The following PHAX variants were observed in gnomAD, a reference collection of about 807,000 sequenced individuals.
The protein encoded by PHAX is phosphorylated adapter RNA export protein.
Under a neutral mutation model 41.6 loss-of-function variants are expected in PHAX, and 31 were observed. The ratio of observed to expected loss-of-function variants is 0.75; its 90% CI spans 0.56 to 1.01. The LOEUF is 1.01. Ranked by LOEUF, PHAX falls within the 50% of genes least tolerant of loss-of-function variation. The probability of loss-of-function intolerance (pLI) is 0.00; values close to 1 mark genes in which losing one functional copy is unlikely to be tolerated. For missense variants in PHAX, 453 were observed against 472.9 expected (o/e 0.96, Z 0.39); for synonymous variants, 175 against 164.9 (o/e 1.06, Z -0.47).
chr5:126,618,698 G>A (rs1752224690), intron 4 of PHAX, among the ~76,000 whole-genome samples: 1 of 134,214 alleles, frequency 7.5e-6, no homozygotes, highest in African/African-American at 2.8e-5. Flanking sequence ...ATGGAGTCTT[G>A]CTCTGTCGCC....
At chr5:126,623,940 A>G (rs892407078) in intron 4 of PHAX, among the ~76,000 whole-genome samples, 1 of 151,700 alleles carries the variant, frequency 6.6e-6, no homozygotes, top group African/African-American at 2.4e-5. Context: ...GTACAGGTTG[A>G]CAATCCCTAA....
chr5:126,611,790 C>T (rs76257927), intron 3 of PHAX, among the ~76,000 whole-genome samples: 9 of 120,922 alleles, frequency 7.4e-5, no homozygotes, highest in Admixed American at 2.7e-4. Context: ...GACCCTGTCT[C>T]GAAAAAAAAA....
At chr5:126,601,113 C>T (rs544990905) in intron 1 of PHAX, 55 bp downstream of exon 1, 1 of 1,250,922 alleles carries the variant, frequency 8.0e-7, no homozygotes, top group Admixed American at 2.0e-5. Flanking sequence ...GCCTGGGCCC[C>T]GGGGAGCGCG....
In PHAX at chr5:126,608,236, T is replaced by C. The variant is rs1055351073; in HGVS notation, c.711-128T>C. On this transcript the variant is annotated intron_variant, in intron 2 of 4. Coordinates refer to ENST00000297540, the MANE Select transcript of PHAX (RefSeq NM_032177.4). ...TATTTACATGTCAGTGATTCCAAGA[T>C]TAAATATTGAAGATTTAGAAAACCA... The C allele has an allele frequency of 1.5e-5, 16 of 1,040,522 alleles. No individual in the cohort carries two copies. The Admixed American group carries it at 3.2e-4, about 21-fold the overall frequency. The allele number at this position is 1,040,522 out of a possible 1,614,324, so 64.5% of individuals were successfully genotyped here.
chr5:126,604,197 TTACAAATAAG>T lies in PHAX; in HGVS notation c.710+18_710+27del. 6.6e-7 allele frequency: 1 copy of T among 1,517,116 alleles called. No individual in the cohort carries two copies. The highest frequency in any genetic ancestry group is 8.8e-7 in the Non-Finnish European group (1 of 1,134,698). 94.0% of individuals were successfully genotyped at this position (1,517,116 alleles called of 1,614,324 possible). A position where few individuals can be genotyped will look rare whatever the true frequency, so the allele number is the denominator to read the frequency against. On this transcript the variant is annotated intron_variant, in intron 2 of 4. Transcript: ENST00000297540. ...AATTTCATTCAGGTGAGCATTTGAA[TTACAAATAAG>T]TACTTGACCAGATGGCTTCTATTTA...
intron 4 of PHAX, among the ~76,000 whole-genome samples, chr5:126,622,049 G>C (rs890163285): frequency 6.6e-6 from 1 of 151,838 alleles, no homozygotes; most frequent in African/African-American, 2.4e-5. Context: ...CTCATCCTGG[G>C]TTCAAGCAAT....
chr5:126,603,010 A>G (rs75093825), intron 1 of PHAX, among the ~76,000 whole-genome samples: 1 of 88,632 alleles, frequency 1.1e-5, no homozygotes, highest in African/African-American at 4.9e-5. Flanking sequence ...CATCTCAAGA[A>G]AAAAAAAAAA....
At chr5:126,601,934 T>C (rs1295862116) in intron 1 of PHAX, among the ~76,000 whole-genome samples, 3 of 152,182 alleles carry the variant, frequency 2.0e-5, no homozygotes, top group Non-Finnish European at 4.4e-5. Flanking sequence ...CCAAAAGTGC[T>C]GAGATTACAG....
rs545454458 is a variant in PHAX, at chr5:126,605,607, G to A, written c.710+1424G>A. Among the ~76,000 whole-genome samples, 193 of 151,402 alleles carry A rather than the reference G, an allele frequency of 1.3e-3. 1 individual carries two copies. The highest frequency in any genetic ancestry group is 2.0e-3 in the Non-Finnish European group (137 of 67,876). Reference sequence around the variant, plus strand: ...GAGATAGGGTTTCATTATGTTGGCCGGACTGATCTCGATCTCCTGGCCTCA... The same window carrying A: ...GAGATAGGGTTTCATTATGTTGGCCAGACTGATCTCGATCTCCTGGCCTCA... On this transcript the variant is annotated intron_variant, in intron 2 of 4. Coordinates refer to ENST00000297540, the MANE Select transcript of PHAX (RefSeq NM_032177.4).
intron 1 of PHAX, among the ~76,000 whole-genome samples, chr5:126,601,712 G>C (rs1751906776): frequency 6.6e-6 from 1 of 152,176 alleles, no homozygotes; most frequent in South Asian, 2.1e-4. Flanking sequence ...TGTTGCCCAG[G>C]CTGGAGTGCA....
chr5:126,622,056 C>A (rs1478022960), intron 4 of PHAX, among the ~76,000 whole-genome samples: 1 of 152,224 alleles, frequency 6.6e-6, no homozygotes, highest in African/African-American at 2.4e-5. Flanking sequence ...TGGGTTCAAG[C>A]AATTCTCCTG....
chr5:126,617,442 G>T, intron 4 of PHAX, 109 bp downstream of exon 4: 1 of 589,644 alleles, frequency 1.7e-6, no homozygotes, highest in Non-Finnish European at 3.0e-6. Context: ...TCAGTGGACT[G>T]ATTTTGTTAT....
intron 4 of PHAX, among the ~76,000 whole-genome samples, chr5:126,623,035 A>G (rs4510582): frequency 0.27 from 40,902 of 151,768 alleles, 7,009 homozygotes; most frequent in African/African-American, 0.47. Flanking sequence ...CCAAGGCATG[A>G]GAATTGCTTG....
rs1349770904 is a variant in PHAX, at chr5:126,604,000, A to G, written c.527A>G (p.Asp176Gly). Residue 176 changes from aspartate (D) to glycine (G), a missense_variant, in exon 2 of 5, where the codon GAT (aspartate) becomes GGT (glycine). Physicochemically the swap from Asp to Gly is moderately conservative, Grantham distance 94 (BLOSUM62 -1). Coordinates refer to ENST00000297540, the MANE Select transcript of PHAX (RefSeq NM_032177.4). Reference sequence around the variant, plus strand: ...ACAAAAGATCTAGACAAGGAACTAGATGAATATATGCATGGTGGCAAAAAA... The same window carrying G: ...ACAAAAGATCTAGACAAGGAACTAGGTGAATATATGCATGGTGGCAAAAAA... ...EHTKDLDKEL[D>G]EYMHGGKKMG... The G allele has an allele frequency of 3.1e-6, 5 of 1,614,130 alleles. No individual in the cohort carries two copies. Among genetic ancestry groups the G allele is most frequent in the African/African-American group, 1.3e-5 (1 of 75,048 alleles).
chr5:126,612,151 C>T (rs1306607370), intron 3 of PHAX, among the ~76,000 whole-genome samples: 1 of 152,032 alleles, frequency 6.6e-6, no homozygotes, highest in African/African-American at 2.4e-5. Flanking sequence ...TGCAAAAAAT[C>T]CATAATGGAC....
chr5:126,601,649 G>C (rs1751905929), intron 1 of PHAX, among the ~76,000 whole-genome samples: 1 of 152,082 alleles, frequency 6.6e-6, no homozygotes, highest in Admixed American at 6.6e-5. Context: ...ATGGCACTAG[G>C]CTTTTGCATT....
At chr5:126,604,802 G>A (rs1379533372) in intron 2 of PHAX, among the ~76,000 whole-genome samples, 1 of 152,084 alleles carries the variant, frequency 6.6e-6, no homozygotes, top group Non-Finnish European at 1.5e-5. Flanking sequence ...TTGGGAGGCT[G>A]AGGTGAGTGG....
chr5:126,625,466 C>G lies in PHAX; in HGVS notation c.*622C>G, dbSNP rs1752333473. On this transcript the variant is annotated 3_prime_UTR_variant, in exon 5 of 5. Transcript: ENST00000297540. ...ACAAAAACTAGCCAGGTGTGGTTCT[C>G]CATGCCTATAATCCCGGCTACTCGG... 1 of 152,078 alleles carries G rather than the reference C, an allele frequency of 6.6e-6. No homozygotes were observed. Among genetic ancestry groups the G allele is most frequent in the Non-Finnish European group, 1.5e-5 (1 of 68,080 alleles). 9.4% of individuals were successfully genotyped at this position (152,078 alleles called of 1,614,324 possible).
intron 4 of PHAX, among the ~76,000 whole-genome samples, chr5:126,619,020 C>T (rs1426454250): frequency 6.6e-6 from 1 of 152,052 alleles, no homozygotes; most frequent in Non-Finnish European, 1.5e-5. Flanking sequence ...GCATTCTTGA[C>T]CTCCCTGGTC....
Sources: gnomAD v4.1 joint callset for allele counts (sites outside exome capture counted in the v4.1 genomes callset) on GRCh38, gnomAD v4.1.1 for gene constraint, MANE v1.5 for transcripts, NCBI Gene and HGNC (gene_info 2026-07-23, HGNC 2026-07-21) for gene names.